The following RIMS1 variants were observed in gnomAD, a reference collection of about 807,000 sequenced individuals.
RIMS1 encodes regulating synaptic membrane exocytosis 1, also known as regulating synaptic membrane exocytosis protein 1.
In RIMS1, 83 loss-of-function variants were observed where a neutral mutation model predicts 214.1. That is an observed-to-expected ratio of 0.39 (90% confidence interval 0.32 to 0.47). The LOEUF is 0.47. Ranked by LOEUF, RIMS1 falls within the 20% of genes least tolerant of loss-of-function variation. The probability of loss-of-function intolerance (pLI) is 0.99; values close to 1 mark genes in which losing one functional copy is unlikely to be tolerated. For missense variants in RIMS1, 2,050 were observed against 2,161.8 expected (o/e 0.95, Z 1.03); for synonymous variants, 793 against 786.8 (o/e 1.01, Z -0.13).
At chr6:71,945,853 G>A (rs921402943) in intron 1 of RIMS1, among the ~76,000 whole-genome samples, 5 of 151,474 alleles carry the variant, frequency 3.3e-5, no homozygotes, top group Admixed American at 1.3e-4. Context: ...GGGTTCAAGC[G>A]ATTCTCCTGC....
chr6:72,096,730 C>A (rs1201379899), intron 2 of RIMS1, among the ~76,000 whole-genome samples: 2 of 152,176 alleles, frequency 1.3e-5, no homozygotes, highest in African/African-American at 2.4e-5. Context: ...TCTACATACA[C>A]ATAGTTCAGT....
chr6:72,159,418 CT>C (rs2044962970), intron 4 of RIMS1, among the ~76,000 whole-genome samples: 2 of 140,810 alleles, frequency 1.4e-5, no homozygotes, highest in South Asian at 4.7e-4. Context: ...TCAATTTTGG[CT>C]TTTGTTGCCA....
intron 29 of RIMS1, among the ~76,000 whole-genome samples, chr6:72,372,070 A>G (rs998870758): frequency 9.2e-5 from 14 of 152,182 alleles, no homozygotes; most frequent in African/African-American, 3.1e-4. Context: ...TCAAAACAAG[A>G]ATCTAAAATA....
At chr6:72,045,817 A>G (rs1320619108) in intron 2 of RIMS1, among the ~76,000 whole-genome samples, 1 of 150,304 alleles carries the variant, frequency 6.7e-6, no homozygotes, top group Non-Finnish European at 1.5e-5. Context: ...AATTTTTTAT[A>G]TATATTCTTT....
intron 2 of RIMS1, among the ~76,000 whole-genome samples, chr6:72,021,738 C>T (rs970994543): frequency 9.2e-5 from 14 of 152,124 alleles, no homozygotes; most frequent in Admixed American, 8.5e-4. Context: ...AGGCTTCTCT[C>T]CTGTCCTGTT....
intron 27 of RIMS1, among the ~76,000 whole-genome samples, chr6:72,310,844 T>C (rs1437040703): frequency 6.6e-6 from 1 of 152,158 alleles, no homozygotes; most frequent in Non-Finnish European, 1.5e-5. Flanking sequence ...ATAATCAATG[T>C]GAATAAAACT....
intron 29 of RIMS1, among the ~76,000 whole-genome samples, chr6:72,342,554 G>A (rs1365944622): frequency 6.6e-6 from 1 of 151,272 alleles, no homozygotes; most frequent in African/African-American, 2.4e-5. Context: ...TTTTTTCTTT[G>A]ATTCTACCAA....
chr6:72,151,338 G>A (rs117890728), intron 4 of RIMS1, among the ~76,000 whole-genome samples: 3,338 of 152,216 alleles, frequency 0.022, 56 homozygotes, highest in Middle Eastern at 0.041. Flanking sequence ...CACTGTACCC[G>A]GCCCATATAT....
chr6:72,215,124 T>C (rs570262339), intron 6 of RIMS1, among the ~76,000 whole-genome samples: 15 of 152,324 alleles, frequency 9.8e-5, no homozygotes, highest in African/African-American at 3.6e-4. Flanking sequence ...ACTCCCTTTC[T>C]ATTGGTTCTC....
chr6:72,216,317 C>T, intron 6 of RIMS1: 1 of 285,112 alleles, frequency 3.5e-6, no homozygotes, highest in African/African-American at 2.3e-5. Flanking sequence ...CAAAAATATG[C>T]ATCTTTAAAA....
At chr6:72,132,106 G>A (rs1169506404) in intron 4 of RIMS1, among the ~76,000 whole-genome samples, 4 of 152,046 alleles carry the variant, frequency 2.6e-5, no homozygotes, top group African/African-American at 4.8e-5. Flanking sequence ...TGCAGTTAAC[G>A]CAATTATCAC....
rs183582874 is a variant in RIMS1 at position 72,359,433 on chromosome 6, T to C, written c.4366+25598T>C. ...AGGGTGGCTTCACTTCAAGATAGAA[T>C]CGCTCTTGCCATGCAACAGGCTGTT... is the stretch of plus-strand genomic sequence containing the variant. On this transcript the variant is annotated intron_variant, in intron 29 of 33. Coordinates refer to ENST00000521978, the MANE Select transcript of RIMS1 (RefSeq NM_014989.7). 2.6e-4 allele frequency among the ~76,000 whole-genome samples: 40 copies of C among 152,234 alleles called. 1 individual carries two copies. The highest frequency in any genetic ancestry group is 8.8e-5 in the Non-Finnish European group (6 of 68,012).
At chr6:72,307,480 C>T (rs2095271615) in intron 27 of RIMS1, 110 bp downstream of exon 27, 6 of 679,758 alleles carry the variant, frequency 8.8e-6, no homozygotes, top group African/African-American at 1.8e-5. Context: ...TCATTTGGGC[C>T]GGGCATGGTA....
At chr6:72,022,198 T>C (rs933926277) in intron 2 of RIMS1, among the ~76,000 whole-genome samples, 1 of 152,212 alleles carries the variant, frequency 6.6e-6, no homozygotes, top group Admixed American at 6.5e-5. Flanking sequence ...AAAAAATATT[T>C]ACAGAAAATT....
At chr6:71,919,388 A>C (rs890468707) in intron 1 of RIMS1, among the ~76,000 whole-genome samples, 4 of 152,062 alleles carry the variant, frequency 2.6e-5, no homozygotes, top group Admixed American at 6.6e-5. Context: ...TAATAAATAT[A>C]AACAGAGGAC....
chr6:71,896,118 C>A (rs1300692863), intron 1 of RIMS1, among the ~76,000 whole-genome samples: 1 of 152,044 alleles, frequency 6.6e-6, no homozygotes, highest in Non-Finnish European at 1.5e-5. Flanking sequence ...AATGAACAGT[C>A]TCATTTATTT....
At chr6:72,237,571 T>G (rs571657026) in intron 8 of RIMS1, among the ~76,000 whole-genome samples, 1 of 150,878 alleles carries the variant, frequency 6.6e-6, no homozygotes, top group African/African-American at 2.4e-5. Context: ...GGCTACTTGG[T>G]AGGCCAAAGT....
chr6:72,269,357 G>A (rs2081994350), intron 22 of RIMS1, among the ~76,000 whole-genome samples: 1 of 152,076 alleles, frequency 6.6e-6, no homozygotes. Flanking sequence ...TATAAAGATA[G>A]GTATTTCCCT....
chr6:71,960,494 G>A (rs921654863), intron 1 of RIMS1, among the ~76,000 whole-genome samples: 4 of 152,074 alleles, frequency 2.6e-5, no homozygotes, highest in East Asian at 3.9e-4. Flanking sequence ...AAAATGACTG[G>A]GACTTTTGTT....
Sources: allele counts gnomAD v4.1 joint callset (sites outside exome capture counted in the v4.1 genomes callset), GRCh38; gene constraint gnomAD v4.1.1; transcripts MANE v1.5; gene names NCBI Gene and HGNC (gene_info 2026-07-23, HGNC 2026-07-21).